Variants in TRAPPC9 observed in about 807,000 individuals in gnomAD.
TRAPPC9 encodes the protein IKK2 binding protein.
Under a neutral mutation model 124.0 loss-of-function variants are expected in TRAPPC9, and 83 were observed. The observed-to-expected ratio is 0.67, with a 90% CI of 0.56 to 0.80. TRAPPC9 has a LOEUF of 0.80. TRAPPC9 is among the 30% of genes least tolerant of loss of function. The pLI is 0.00. For synonymous variants in TRAPPC9, 638 were observed against 617.5 expected (o/e 1.03, Z -0.49); for missense variants, 1,302 against 1,508.3 (o/e 0.86, Z 2.27).
Position 139,866,520 on chromosome 8 carries a change from G to A in TRAPPC9, c.3055+19359C>T, listed in dbSNP as rs768007244. On this transcript the variant is annotated intron_variant, in intron 21 of 22. Coordinates refer to ENST00000438773, the MANE Select transcript of TRAPPC9 (RefSeq NM_001160372.4). ...CTGGGCTGGGTCCCCTTGGTGACCC[G>A]TTGAGAGCCTAGGAGTGTGGGAAGG... Among the ~76,000 whole-genome samples the A allele has an allele frequency of 1.1e-4, 17 of 152,318 alleles. 1 individual carries two copies. The highest frequency in any genetic ancestry group is 6.8e-3 in the Middle Eastern group (2 of 294).
intron 17 of TRAPPC9, among the ~76,000 whole-genome samples, chr8:140,181,214 C>G (rs1313953366): frequency 6.6e-6 from 1 of 152,176 alleles, no homozygotes; most frequent in East Asian, 1.9e-4. Context: ...CTCCTCAACT[C>G]TGTGTTTTAA....
At chr8:139,867,359 A>G (rs1211087427) in intron 21 of TRAPPC9, among the ~76,000 whole-genome samples, 1 of 152,264 alleles carries the variant, frequency 6.6e-6, no homozygotes, top group East Asian at 1.9e-4. Context: ...ATAGCAATGA[A>G]TTTTAACCCA....
intron 9 of TRAPPC9, among the ~76,000 whole-genome samples, chr8:140,334,649 C>CTAAA (rs61689098): frequency 0.18 from 25,984 of 145,898 alleles, 2,410 homozygotes; most frequent in Middle Eastern, 0.28. Context: ...GACTCTGTCA[C>CTAAA]TAAATAAATA....
chr8:140,368,095 C>T (rs187318235), intron 8 of TRAPPC9, among the ~76,000 whole-genome samples: 15 of 152,296 alleles, frequency 9.8e-5, no homozygotes, highest in Non-Finnish European at 1.3e-4. Flanking sequence ...TTTCTTTAAA[C>T]GTGGGACTTG....
At chr8:140,137,439 C>T (rs1400358656) in intron 17 of TRAPPC9, among the ~76,000 whole-genome samples, 1 of 151,348 alleles carries the variant, frequency 6.6e-6, no homozygotes, top group Non-Finnish European at 1.5e-5. Context: ...TGTCCAAAGT[C>T]CAGATCACTC....
chr8:139,819,986 C>T (rs746062753), intron 21 of TRAPPC9, among the ~76,000 whole-genome samples: 15 of 107,878 alleles, frequency 1.4e-4, no homozygotes, highest in African/African-American at 2.6e-4. Flanking sequence ...CCAGCCTGGG[C>T]GACAGAGTAA....
chr8:139,863,444 C>T (rs1828306570), intron 21 of TRAPPC9, among the ~76,000 whole-genome samples: 1 of 152,234 alleles, frequency 6.6e-6, no homozygotes, highest in Non-Finnish European at 1.5e-5. Context: ...TTTCCCCTGG[C>T]AGGACACTGC....
chr8:140,109,178 C>T (rs751789042), intron 17 of TRAPPC9, among the ~76,000 whole-genome samples: 4 of 152,152 alleles, frequency 2.6e-5, no homozygotes, highest in Non-Finnish European at 5.9e-5. Context: ...TCTCGCCATC[C>T]GTGGGCCGAG....
chr8:139,965,376 G>A (rs1835634719), intron 19 of TRAPPC9, among the ~76,000 whole-genome samples: 2 of 152,188 alleles, frequency 1.3e-5, no homozygotes, highest in South Asian at 4.1e-4. Flanking sequence ...CTGGGGTGCT[G>A]CAGCAGCTCC....
chr8:140,030,777 T>C (rs923316790), intron 17 of TRAPPC9, among the ~76,000 whole-genome samples: 3 of 152,238 alleles, frequency 2.0e-5, no homozygotes, highest in Admixed American at 1.3e-4. Flanking sequence ...ATACCATTGC[T>C]TGTATGTATA....
intron 7 of TRAPPC9, among the ~76,000 whole-genome samples, chr8:140,372,228 G>A (rs568236004): frequency 6.6e-6 from 1 of 152,332 alleles, no homozygotes; most frequent in East Asian, 1.9e-4. Context: ...GGAAGGCAGA[G>A]CCCACTCTGC....
chr8:139,739,014 C>G (rs6578042), intron 21 of TRAPPC9, among the ~76,000 whole-genome samples: 8 of 152,200 alleles, frequency 5.3e-5, no homozygotes, highest in Admixed American at 2.0e-4. Flanking sequence ...TGAAACCCAA[C>G]GCGCCCCAGG....
intron 21 of TRAPPC9, among the ~76,000 whole-genome samples, chr8:139,784,608 C>CATCTATATATATATATATAT (rs1822065820): frequency 1.1e-5 from 1 of 88,678 alleles, no homozygotes; most frequent in Non-Finnish European, 2.3e-5. Flanking sequence ...AAAAGACTGA[C>CATCTATATATATATATATAT]ATATATATAT....
intron 14 of TRAPPC9, among the ~76,000 whole-genome samples, chr8:140,282,216 G>A (rs770564218): frequency 3.9e-5 from 6 of 152,132 alleles, no homozygotes; most frequent in Admixed American, 1.3e-4. Context: ...CAAAAATTAA[G>A]AACAGGCTGG....
intron 10 of TRAPPC9, among the ~76,000 whole-genome samples, chr8:140,302,159 A>T (rs886808121): frequency 6.6e-5 from 10 of 152,156 alleles, no homozygotes; most frequent in African/African-American, 2.4e-4. Context: ...CACTCGGCAG[A>T]CAATCCCCAC....
rs757004322 is a variant in TRAPPC9 at position 139,732,082 on chromosome 8, G to A, written c.3176C>T (p.Ala1059Val). 1.2e-6 allele frequency: 2 copies of A among 1,605,962 alleles called. No homozygotes were observed. The highest frequency in any genetic ancestry group is 2.7e-5 in the African/African-American group (2 of 74,838). ...GTCCTGGAAGGGGACCACAGTGAGGGCGAAGGGCCCTACGCTGCGCGGGCT... is the reference window on the plus strand; with the variant it reads ...GTCCTGGAAGGGGACCACAGTGAGGACGAAGGGCCCTACGCTGCGCGGGCT... ...NRSPRSVGPF[A>V]LTVVPFQDHQ... The change falls in exon 22 of 23, where the codon GCC becomes GTC. Residue 1059 changes from alanine to valine, a missense_variant. Around this residue, in one of 3 missense-constraint regions of TRAPPC9, gnomAD observed 640 missense variants for 679.3 expected, o/e 0.94. Transcript: ENST00000438773.
chr8:140,086,356 G>C lies in TRAPPC9; in HGVS notation c.2557-62277C>G, dbSNP rs1057152574. 3.3e-5 allele frequency among the ~76,000 whole-genome samples: 5 copies of C among 152,168 alleles called. No individual in the cohort carries two copies. The East Asian group carries it at 9.6e-4, about 29-fold the overall frequency. ...AGAAGAAGCGGGGTAGAAATGGAAGGGGAGCAGGTGAGGCAGTCGGTTGAA... is the reference window on the plus strand; with the variant it reads ...AGAAGAAGCGGGGTAGAAATGGAAGCGGAGCAGGTGAGGCAGTCGGTTGAA... On this transcript the variant is annotated intron_variant, in intron 17 of 22. Coordinates refer to ENST00000438773, the MANE Select transcript of TRAPPC9 (RefSeq NM_001160372.4).
intron 11 of TRAPPC9, among the ~76,000 whole-genome samples, chr8:140,295,069 T>C (rs1205764426): frequency 1.3e-5 from 2 of 152,132 alleles, no homozygotes; most frequent in African/African-American, 2.4e-5. Context: ...GGCCCTGCCC[T>C]CCCTGTTGCG....
At chr8:140,259,067 G>A (rs375468193) in intron 15 of TRAPPC9, among the ~76,000 whole-genome samples, 6 of 152,156 alleles carry the variant, frequency 3.9e-5, no homozygotes, top group African/African-American at 1.2e-4. Context: ...GCTCATCTCC[G>A]GCTGCAATGG....
Sources: gnomAD v4.1 joint callset for allele counts (sites outside exome capture counted in the v4.1 genomes callset) on GRCh38, gnomAD v4.1.1 for gene constraint, gnomAD v4.1.1 regional missense constraint, MANE v1.5 for transcripts, NCBI Gene and HGNC (gene_info 2026-07-23, HGNC 2026-07-21) for gene names.